The following PPFIA2 variants were observed in gnomAD, a reference collection of about 807,000 sequenced individuals.
PPFIA2 encodes the protein liprin-alpha-2.
Under a neutral mutation model 175.5 loss-of-function variants are expected in PPFIA2, and 46 were observed. That is an observed-to-expected ratio of 0.26 (90% CI 0.21 to 0.34). The LOEUF is 0.34. Among genes scored for constraint, PPFIA2 ranks in the 10% least tolerant of loss-of-function variants. The probability of loss-of-function intolerance (pLI) is 1.00; values close to 1 mark genes in which losing one functional copy is unlikely to be tolerated. For missense variants in PPFIA2, 1,179 were observed against 1,506.1 expected, an observed-to-expected ratio of 0.78 and a Z score of 3.60; for synonymous variants, 568 against 511.4, an observed-to-expected ratio of 1.11 and a Z score of -1.49.
chr12:81,728,305 CT>C (rs2080371833), intron 3 of PPFIA2, among the ~76,000 whole-genome samples: 1 of 151,318 alleles, frequency 6.6e-6, no homozygotes, highest in African/African-American at 2.4e-5. Context: ...ATAGTCATGA[CT>C]TTCAATCACA....
At chr12:81,646,298 T>C (rs900811098) in intron 4 of PPFIA2, among the ~76,000 whole-genome samples, 1 of 152,088 alleles carries the variant, frequency 6.6e-6, no homozygotes, top group East Asian at 1.9e-4. Flanking sequence ...TCAGCTGTCT[T>C]GAAGGAGGGC....
intron 8 of PPFIA2, among the ~76,000 whole-genome samples, chr12:81,395,329 A>C (rs1361263419): frequency 2.0e-5 from 3 of 152,100 alleles, no homozygotes; most frequent in Non-Finnish European, 4.4e-5. Context: ...AAATGAATGG[A>C]GACATAAGCC....
intron 3 of PPFIA2, among the ~76,000 whole-genome samples, chr12:81,727,718 T>C (rs1024971957): frequency 5.3e-5 from 8 of 151,396 alleles, no homozygotes; most frequent in African/African-American, 1.9e-4. Context: ...AGATCTGGAG[T>C]AGTTAACAGC....
intron 3 of PPFIA2, among the ~76,000 whole-genome samples, chr12:81,682,363 G>A (rs2073793967): frequency 2.0e-5 from 3 of 152,040 alleles, no homozygotes; most frequent in Admixed American, 2.0e-4. Flanking sequence ...CCCCAGAACT[G>A]TGAGAAAATA....
chr12:81,709,057 T>C (rs1596629387), intron 3 of PPFIA2, among the ~76,000 whole-genome samples: 1 of 152,172 alleles, frequency 6.6e-6, no homozygotes, highest in African/African-American at 2.4e-5. Context: ...ATTAATAACC[T>C]ACCAGAGCCA....
At chr12:81,611,023 C>G (rs535640687) in intron 4 of PPFIA2, among the ~76,000 whole-genome samples, 14 of 152,110 alleles carry the variant, frequency 9.2e-5, no homozygotes, top group Non-Finnish European at 1.0e-4. Flanking sequence ...GACTGTGATC[C>G]TGTAGATGGC....
chr12:81,281,843 A>G (rs955029388), intron 26 of PPFIA2, among the ~76,000 whole-genome samples: 1 of 152,104 alleles, frequency 6.6e-6, no homozygotes, highest in Non-Finnish European at 1.5e-5. Flanking sequence ...TATCAATGCC[A>G]CTACTACCAT....
chr12:81,360,245 A>C (rs2061418139), intron 15 of PPFIA2, among the ~76,000 whole-genome samples: 1 of 151,802 alleles, frequency 6.6e-6, no homozygotes, highest in African/African-American at 2.4e-5. Flanking sequence ...CAATTTTTAA[A>C]TCATTCTAGG....
chr12:81,705,044 A>G (rs1355485754), intron 3 of PPFIA2, among the ~76,000 whole-genome samples: 2 of 125,298 alleles, frequency 1.6e-5, no homozygotes, highest in Non-Finnish European at 3.2e-5. Context: ...AGATTGTGTC[A>G]TTGCACTCCA....
At chr12:81,438,369 G>A (rs2049492361) in intron 7 of PPFIA2, among the ~76,000 whole-genome samples, 1 of 152,132 alleles carries the variant, frequency 6.6e-6, no homozygotes, top group African/African-American at 2.4e-5. Flanking sequence ...TTGGGATGCC[G>A]AGGCAGTAGA....
intron 30 of PPFIA2, 65 bp downstream of exon 30, chr12:81,266,887 A>G: frequency 1.7e-6 from 2 of 1,168,998 alleles, no homozygotes; most frequent in Non-Finnish European, 2.5e-6. Flanking sequence ...TTCCTTAAAA[A>G]CAAAGATGTT....
chr12:81,719,353 C>G (rs973896145), intron 3 of PPFIA2, among the ~76,000 whole-genome samples: 8 of 151,590 alleles, frequency 5.3e-5, no homozygotes, highest in Non-Finnish European at 1.0e-4. Flanking sequence ...ATTTCCAGCT[C>G]TACCTTAAAT....
chr12:81,407,678 C>T (rs1249144397), intron 7 of PPFIA2, among the ~76,000 whole-genome samples: 1 of 152,074 alleles, frequency 6.6e-6, no homozygotes, highest in Non-Finnish European at 1.5e-5. Flanking sequence ...CTGTCTCTTT[C>T]TTACACAGAA....
chr12:81,756,353 C>G (rs1329311525), intron 2 of PPFIA2, among the ~76,000 whole-genome samples: 2 of 151,954 alleles, frequency 1.3e-5, no homozygotes, highest in Non-Finnish European at 2.9e-5. Flanking sequence ...CTTTAAATTC[C>G]AAGGCAAAGC....
chr12:81,429,491 T>C (rs994669656), intron 7 of PPFIA2, among the ~76,000 whole-genome samples: 2 of 152,014 alleles, frequency 1.3e-5, no homozygotes, highest in African/African-American at 4.8e-5. Context: ...TACTTCCCTC[T>C]AGGCAAATTC....
chr12:81,396,285 G>C (rs2041120448), intron 8 of PPFIA2, among the ~76,000 whole-genome samples: 1 of 152,010 alleles, frequency 6.6e-6, no homozygotes, highest in African/African-American at 2.4e-5. Context: ...CTTTTATGGA[G>C]GTTATTATCT....
chr12:81,434,221 A>G (rs1230414284), intron 7 of PPFIA2, among the ~76,000 whole-genome samples: 1 of 152,122 alleles, frequency 6.6e-6, no homozygotes, highest in Non-Finnish European at 1.5e-5. Flanking sequence ...TCTATGTAAC[A>G]TATATCACTA....
intron 4 of PPFIA2, among the ~76,000 whole-genome samples, chr12:81,532,124 A>G (rs2064662521): frequency 6.6e-6 from 1 of 151,818 alleles, no homozygotes; most frequent in Non-Finnish European, 1.5e-5. Context: ...CATTTGTTAT[A>G]CAGAAAACTT....
intron 3 of PPFIA2, among the ~76,000 whole-genome samples, chr12:81,753,644 A>G (rs2084198242): frequency 6.6e-6 from 1 of 152,204 alleles, no homozygotes; most frequent in Admixed American, 6.5e-5. Context: ...TTTAAAAGGT[A>G]AGAAAGATAA....
Sources: allele counts gnomAD v4.1 joint callset (sites outside exome capture counted in the v4.1 genomes callset), GRCh38; gene constraint gnomAD v4.1.1; transcripts MANE v1.5; gene names NCBI Gene and HGNC (gene_info 2026-07-23, HGNC 2026-07-21).